Variants in RFWD3 observed in about 807,000 individuals in gnomAD.
RFWD3 encodes ring finger and WD repeat domain 3.
In RFWD3, 65 loss-of-function variants were observed where a neutral mutation model predicts 87.7. The observed-to-expected ratio is 0.74, with a 90% CI of 0.61 to 0.91. The LOEUF (loss-of-function observed/expected upper bound fraction) is 0.91. Ranked by LOEUF, RFWD3 falls within the 40% of genes least tolerant of loss-of-function variation. RFWD3 has a pLI of 0.00. For synonymous variants in RFWD3, 433 were observed against 352.8 expected, an observed-to-expected ratio of 1.23 and a Z score of -2.55; for missense variants, 1,078 against 938.5, an observed-to-expected ratio of 1.15 and a Z score of -1.94.
At chr16:74,640,034 T>C (rs1314322635) in intron 6 of RFWD3, among the ~76,000 whole-genome samples, 1 of 152,190 alleles carries the variant, frequency 6.6e-6, no homozygotes, top group Non-Finnish European at 1.5e-5. Flanking sequence ...TTTAGGTTTG[T>C]ATGTATAAGA....
At chr16:74,633,921 T>A in intron 8 of RFWD3, among the ~76,000 whole-genome samples, 1 of 150,814 alleles carries the variant, frequency 6.6e-6, no homozygotes, top group Non-Finnish European at 1.5e-5. Context: ...CTCCCTGCAT[T>A]CCAGCCCGGG....
intron 11 of RFWD3, among the ~76,000 whole-genome samples, chr16:74,626,818 T>A (rs111816593): frequency 0.52 from 16,965 of 32,806 alleles, 1,334 homozygotes; most frequent in Admixed American, 0.57. Context: ...AGAAAAACAA[T>A]TCTGTGAGTT....
chr16:74,635,953 G>A (rs925573796), intron 8 of RFWD3, among the ~76,000 whole-genome samples: 12 of 152,132 alleles, frequency 7.9e-5, no homozygotes, highest in African/African-American at 2.7e-4. Context: ...TTGTTAACTT[G>A]AACACTATTG....
rs1398375857 is a variant in RFWD3, at chr16:74,622,634, C to T, written c.*1294G>A. 2.0e-5 allele frequency: 3 copies of T among 152,142 alleles called. No homozygotes were observed. The highest frequency in any genetic ancestry group is 3.2e-3 in the Middle Eastern group (1 of 316). 9.4% of individuals were successfully genotyped at this position (152,142 alleles called of 1,614,324 possible). A position where few individuals can be genotyped will look rare whatever the true frequency, so the allele number is the denominator to read the frequency against. On this transcript the variant is annotated 3_prime_UTR_variant, in exon 13 of 13. Coordinates refer to ENST00000361070, the MANE Select transcript of RFWD3 (RefSeq NM_018124.4). ...GGTCAGAAGTGTTTTATAATAAAAA[C>T]GATAACAACTCTTCAATAATCATTT...
chr16:74,644,252 G>A (rs1959922647), intron 6 of RFWD3, 110 bp downstream of exon 6: 1 of 982,836 alleles, frequency 1.0e-6, no homozygotes, highest in Admixed American at 1.7e-5. Flanking sequence ...GAGATCCCAA[G>A]TCACAGGTCA....
At chr16:74,647,977 G>GTC (rs1452700192) in intron 4 of RFWD3, among the ~76,000 whole-genome samples, 1 of 151,814 alleles carries the variant, frequency 6.6e-6, no homozygotes, top group East Asian at 1.9e-4. Flanking sequence ...TTGAGACAGG[G>GTC]TCTCACTCTG....
At chr16:74,650,619 T>G (rs1286649048) in intron 3 of RFWD3, among the ~76,000 whole-genome samples, 1 of 151,552 alleles carries the variant, frequency 6.6e-6, no homozygotes, top group Non-Finnish European at 1.5e-5. Flanking sequence ...TAATTGGGGG[T>G]CACAAAATGA....
At chr16:74,655,340 C>T (rs955570103) in intron 2 of RFWD3, among the ~76,000 whole-genome samples, 5 of 151,734 alleles carry the variant, frequency 3.3e-5, no homozygotes, top group Non-Finnish European at 7.4e-5. Context: ...CCCGGGTTCA[C>T]GCCATTCTCC....
chr16:74,661,965 C>G (rs1961475799), intron 1 of RFWD3, among the ~76,000 whole-genome samples: 1 of 152,082 alleles, frequency 6.6e-6, no homozygotes, highest in Admixed American at 6.6e-5. Flanking sequence ...CCTAATGTTT[C>G]CAAAAAGGCT....
chr16:74,656,841 A>C (rs1022998188), intron 2 of RFWD3, among the ~76,000 whole-genome samples: 2 of 152,206 alleles, frequency 1.3e-5, no homozygotes, highest in Non-Finnish European at 2.9e-5. Context: ...AATTTAGAAG[A>C]AGTTGATGTC....
intron 3 of RFWD3, among the ~76,000 whole-genome samples, chr16:74,651,179 T>A (rs1347603141): frequency 1.3e-5 from 2 of 152,194 alleles, no homozygotes; most frequent in Admixed American, 6.5e-5. Context: ...ATCAGAAAGT[T>A]TTTAACATAA....
chr16:74,660,071 A>T (rs1338638871), intron 2 of RFWD3, among the ~76,000 whole-genome samples: 1 of 152,122 alleles, frequency 6.6e-6, no homozygotes, highest in African/African-American at 2.4e-5. Flanking sequence ...AACAATAATA[A>T]AAACAAGAAG....
intron 2 of RFWD3, among the ~76,000 whole-genome samples, chr16:74,657,253 C>G (rs1961056917): frequency 6.6e-6 from 1 of 152,148 alleles, no homozygotes; most frequent in Non-Finnish European, 1.5e-5. Context: ...TATCAAGGAG[C>G]TGGAGAAGGT....
intron 2 of RFWD3, among the ~76,000 whole-genome samples, chr16:74,659,188 G>C (rs917319922): frequency 1.3e-5 from 2 of 152,110 alleles, no homozygotes; most frequent in Non-Finnish European, 2.9e-5. Context: ...CACTGTGCTT[G>C]ACCAAGAGGA....
In RFWD3 at chr16:74,661,128, C is replaced by T; in HGVS notation, c.322G>A (p.Gly108Ser). The part of the protein sequence containing the change: ...TSEQHRQGSD[G>S]NHTIPASSLH... ...GAAGATGCTGGGATGGTGTGATTAC[C>T]ATCAGATCCCTGCCTATGTTGTTCT... The change falls in exon 2 of 13, where the codon GGT becomes AGT. Residue 108 changes from glycine (G) to serine (S), a missense_variant. Transcript: ENST00000361070. 1 of 1,614,174 alleles carries T rather than the reference C, an allele frequency of 6.2e-7. No individual in the cohort carries two copies. Among genetic ancestry groups the T allele is most frequent in the Non-Finnish European group, 8.5e-7 (1 of 1,180,044 alleles).
chr16:74,640,733 T>A (rs376761731), intron 6 of RFWD3, among the ~76,000 whole-genome samples: 6 of 150,208 alleles, frequency 4.0e-5, no homozygotes, highest in African/African-American at 1.5e-4. Context: ...AGGTCAGGAG[T>A]TCAAGACCAT....
At chr16:74,635,183 G>A (rs796927204) in intron 8 of RFWD3, among the ~76,000 whole-genome samples, 22 of 152,160 alleles carry the variant, frequency 1.4e-4, no homozygotes, top group African/African-American at 5.1e-4. Context: ...AGGAGGCTGA[G>A]GCAGAATGGC....
chr16:74,656,942 A>G (rs1043445707), intron 2 of RFWD3, among the ~76,000 whole-genome samples: 2 of 152,248 alleles, frequency 1.3e-5, no homozygotes, highest in African/African-American at 4.8e-5. Context: ...CTAGACTTAG[A>G]AGATGTGACT....
chr16:74,651,509 G>C (rs1238548707), intron 3 of RFWD3, among the ~76,000 whole-genome samples: 1 of 152,014 alleles, frequency 6.6e-6, no homozygotes, highest in South Asian at 2.1e-4. Flanking sequence ...GTCCCAGTTA[G>C]TGGGGAGGCT....
Sources: gnomAD v4.1 joint callset for allele counts (sites outside exome capture counted in the v4.1 genomes callset) on GRCh38, gnomAD v4.1.1 for gene constraint, MANE v1.5 for transcripts, NCBI Gene and HGNC (gene_info 2026-07-23, HGNC 2026-07-21) for gene names.